Variants in MLLT10 observed in about 807,000 individuals in gnomAD.
MLLT10 encodes MLLT10 histone lysine methyltransferase DOT1L cofactor.
MLLT10 carries 30 observed loss-of-function variants against 129.1 expected under a neutral mutation model. That is an observed-to-expected ratio of 0.23 (90% CI 0.17 to 0.32). MLLT10 has a LOEUF of 0.32. Ranked by LOEUF, MLLT10 falls within the 10% of genes least tolerant of loss-of-function variation. MLLT10 has a pLI of 1.00. For synonymous variants in MLLT10, 490 were observed against 446.4 expected (o/e 1.10, Z -1.23); for missense variants, 1,119 against 1,268.3 (o/e 0.88, Z 1.79).
At chr10:21,674,029 CATTT>C in intron 11 of MLLT10, 110 bp downstream of exon 11, 2 of 807,166 alleles carry the variant, frequency 2.5e-6, no homozygotes, top group Non-Finnish European at 3.6e-6. Context: ...TAATAAATGA[CATTT>C]AATTAAAGTG....
At chr10:21,663,704 A>G (rs1378897571) in intron 9 of MLLT10, among the ~76,000 whole-genome samples, 1 of 152,122 alleles carries the variant, frequency 6.6e-6, no homozygotes, top group African/African-American at 2.4e-5. Context: ...AGCTGGGACT[A>G]CAGACGCCTG....
intron 8 of MLLT10, among the ~76,000 whole-genome samples, chr10:21,648,681 G>A (rs996788152): frequency 6.6e-6 from 1 of 152,170 alleles, no homozygotes; most frequent in Non-Finnish European, 1.5e-5. Flanking sequence ...ATTTTGGTGT[G>A]TGTAGTTGCC....
chr10:21,726,132 T>A, intron 14 of MLLT10, 112 bp from the exon 15 acceptor site: 1 of 718,880 alleles, frequency 1.4e-6, no homozygotes, highest in South Asian at 2.3e-5. Flanking sequence ...AGGTCACAAA[T>A]TTTGCTTATA....
chr10:21,625,478 C>T, intron 8 of MLLT10: 1 of 1,014,228 alleles, frequency 9.9e-7, no homozygotes, highest in Non-Finnish European at 1.6e-6. Context: ...TTCACAGGGT[C>T]AGCCCATTCA....
rs79624435 is a variant in MLLT10 at position 21,556,469 on chromosome 10, A to C, written c.240+17557A>C. ...GATGGATGTTGGAATTTGAGGATTT[A>C]GAATTACACTTTTATGATTCTTGTT... On this transcript the variant is annotated intron_variant, in intron 3 of 22. Coordinates refer to ENST00000307729, the MANE Select transcript of MLLT10 (RefSeq NM_001195626.3). Among the ~76,000 whole-genome samples, 219 of 152,326 alleles carry C rather than the reference A, an allele frequency of 1.4e-3. 2 individuals carry two copies. In the East Asian group the frequency reaches 0.035, roughly 24 times the overall value.
At chr10:21,535,299 G>C (rs1276610211) in intron 2 of MLLT10, among the ~76,000 whole-genome samples, 2 of 152,114 alleles carry the variant, frequency 1.3e-5, no homozygotes, top group Non-Finnish European at 2.9e-5. Flanking sequence ...GCGCCAGTGT[G>C]GGGAGGCTGG....
chr10:21,569,641 G>A (rs1588996594), intron 3 of MLLT10, among the ~76,000 whole-genome samples: 1 of 151,960 alleles, frequency 6.6e-6, no homozygotes, highest in South Asian at 2.1e-4. Context: ...GGCTGGACTC[G>A]AATTCCTGAC....
chr10:21,693,624 C>A (rs1281369793), intron 13 of MLLT10, among the ~76,000 whole-genome samples: 1 of 152,158 alleles, frequency 6.6e-6, no homozygotes, highest in Non-Finnish European at 1.5e-5. Context: ...TTGGACTTAA[C>A]TGTGCTTCCT....
Position 21,614,867 on chromosome 10 carries a change from T to C in MLLT10, c.546T>C (p.Gly182=). 5 of 1,613,110 alleles carry C rather than the reference T, an allele frequency of 3.1e-6. No homozygotes were observed. Among genetic ancestry groups the C allele is most frequent in the Non-Finnish European group, 4.2e-6 (5 of 1,179,792 alleles). The part of the protein sequence containing the change: ...QFAGLLCEEE[G]NGADNVQYCG... ...CCGGACTGCTTTGTGAAGAAGAAGG[T>C]AATGGTGCCGATAATGTCCAATACT... The change falls in exon 7 of 23, where the codon GGT becomes GGC. Residue 182 remains glycine (G), a synonymous_variant. Transcript: ENST00000307729.
intron 3 of MLLT10, among the ~76,000 whole-genome samples, chr10:21,585,073 C>A (rs1458192049): frequency 5.3e-5 from 8 of 151,834 alleles, no homozygotes; most frequent in Non-Finnish European, 2.9e-5. Flanking sequence ...GTGCCACCAC[C>A]ACACCCAGCT....
chr10:21,673,318 C>CAATTTT, intron 10 of MLLT10, 32 bp from the exon 11 acceptor site: 2 of 307,342 alleles, frequency 6.5e-6, no homozygotes, highest in Non-Finnish European at 5.0e-6. Context: ...CACCCCCCAA[C>CAATTTT]TTTTTTTTTT....
chr10:21,584,312 C>T (rs1421963574), intron 3 of MLLT10, among the ~76,000 whole-genome samples: 18 of 151,868 alleles, frequency 1.2e-4, no homozygotes, highest in African/African-American at 2.4e-4. Flanking sequence ...TACAGGCACG[C>T]ACCACCACAT....
chr10:21,535,690 A>G (rs10828248), intron 2 of MLLT10, among the ~76,000 whole-genome samples: 53,498 of 152,116 alleles, frequency 0.35, 9,946 homozygotes, highest in Middle Eastern at 0.53. Context: ...AAAACAGTCT[A>G]TATTCTTTTT....
rs543167747 is a variant in MLLT10 at position 21,569,459 on chromosome 10, C to T, written c.241-16835C>T. 2.6e-5 allele frequency among the ~76,000 whole-genome samples: 4 copies of T among 151,206 alleles called. No homozygotes were observed. The South Asian group carries it at 6.3e-4, about 24-fold the overall frequency. On this transcript the variant is annotated intron_variant, in intron 3 of 22. Transcript: ENST00000307729. ...TTTTTTTGTAATGGAATCTCGCTCT[C>T]GCCCAGGCTGGAGTGCAGTGGCGTG... is the stretch of plus-strand genomic sequence containing the variant.
chr10:21,720,246 G>C (rs1366976771), intron 14 of MLLT10, among the ~76,000 whole-genome samples: 2 of 152,196 alleles, frequency 1.3e-5, no homozygotes, highest in Non-Finnish European at 2.9e-5. Context: ...CTAACAATTA[G>C]GGAGCAGTTT....
chr10:21,575,540 G>A (rs1460223912), intron 3 of MLLT10, among the ~76,000 whole-genome samples: 1 of 152,126 alleles, frequency 6.6e-6, no homozygotes, highest in African/African-American at 2.4e-5. Flanking sequence ...TGTGGTTAGG[G>A]AACATAATCT....
At chr10:21,621,873 A>C (rs2045896863) in intron 8 of MLLT10, among the ~76,000 whole-genome samples, 1 of 152,234 alleles carries the variant, frequency 6.6e-6, no homozygotes, top group South Asian at 2.1e-4. Context: ...CTATTTATCG[A>C]AGTATAAATA....
intron 4 of MLLT10, 73 bp from the exon 5 acceptor site, chr10:21,595,258 T>C: frequency 1.9e-6 from 2 of 1,052,210 alleles, no homozygotes; most frequent in Non-Finnish European, 2.8e-6. Context: ...TTAAGGGATC[T>C]GTTAAGGAAG....
chr10:21,694,872 C>T (rs1407094355), intron 13 of MLLT10, among the ~76,000 whole-genome samples: 1 of 152,144 alleles, frequency 6.6e-6, no homozygotes, highest in East Asian at 1.9e-4. Flanking sequence ...CAGCTGGGCT[C>T]TTACCAGGAG....
Sources: gnomAD v4.1 joint callset for allele counts (sites outside exome capture counted in the v4.1 genomes callset) on GRCh38, gnomAD v4.1.1 for gene constraint, MANE v1.5 for transcripts, NCBI Gene and HGNC (gene_info 2026-07-23, HGNC 2026-07-21) for gene names.